Variants in ZBED4 observed in about 807,000 individuals in gnomAD.
The protein encoded by ZBED4 is zinc finger BED-type containing 4.
A neutral mutation model predicts 15.5 loss-of-function variants in ZBED4; 4 were observed. The observed-to-expected ratio is 0.26, with a 90% confidence interval of 0.13 to 0.59. The LOEUF (loss-of-function observed/expected upper bound fraction) is 0.59. Ranked by LOEUF, ZBED4 falls within the 20% of genes least tolerant of loss-of-function variation. The probability of loss-of-function intolerance (pLI) is 0.90; values close to 1 mark genes in which losing one functional copy is unlikely to be tolerated. For synonymous variants in ZBED4, 692 were observed against 608.5 expected (o/e 1.14, Z -2.02); for missense variants, 1,323 against 1,461.8 (o/e 0.91, Z 1.55).
chr22:49,879,446 C>T (rs1006902582), intron 1 of ZBED4, among the ~76,000 whole-genome samples: 4 of 151,810 alleles, frequency 2.6e-5, no homozygotes, highest in African/African-American at 9.7e-5. Context: ...TATTTTTTTG[C>T]AGAGACGATG....
chr22:49,880,178 G>C (rs1305674219), intron 1 of ZBED4, among the ~76,000 whole-genome samples: 1 of 152,046 alleles, frequency 6.6e-6, no homozygotes, highest in African/African-American at 2.4e-5. Flanking sequence ...TTAAAAGAGC[G>C]GCCGTTGTTG....
intron 1 of ZBED4, among the ~76,000 whole-genome samples, chr22:49,860,708 T>G (rs192144393): frequency 1.1e-4 from 16 of 152,150 alleles, no homozygotes; most frequent in Non-Finnish European, 5.9e-5. Flanking sequence ...ATGTACAAAA[T>G]AATTACCTGT....
At chr22:49,864,874 C>T (rs1054022308) in intron 1 of ZBED4, among the ~76,000 whole-genome samples, 10 of 135,922 alleles carry the variant, frequency 7.4e-5, no homozygotes, top group African/African-American at 3.0e-4. Flanking sequence ...TGAAAGATTG[C>T]GAGTCAAACC....
intron 1 of ZBED4, among the ~76,000 whole-genome samples, chr22:49,871,584 T>G (rs1470807622): frequency 6.6e-6 from 1 of 152,122 alleles, no homozygotes; most frequent in Non-Finnish European, 1.5e-5. Context: ...TTAAAAAGCT[T>G]GTTGCTGAAA....
chr22:49,868,838 G>A (rs765388866), intron 1 of ZBED4, among the ~76,000 whole-genome samples: 13 of 151,730 alleles, frequency 8.6e-5, no homozygotes, highest in African/African-American at 2.7e-4. Context: ...CAGGCCGGGC[G>A]CAATGGCTCA....
At chr22:49,853,398 C>G (rs952199373), upstream of ZBED4, 3 of 152,376 alleles carry the variant, frequency 2.0e-5, no homozygotes, top group Non-Finnish European at 4.4e-5. Flanking sequence ...GACCGCACCG[C>G]ACTGAGCGGC....
rs1455722211 is a variant in ZBED4, at chr22:49,885,018, G to A, written c.1356G>A (p.Lys452=). 1.9e-6 allele frequency: 3 copies of A among 1,613,112 alleles called. No homozygotes were observed. The highest frequency in any genetic ancestry group is 1.1e-5 in the South Asian group (1 of 90,970). The change falls in exon 2 of 2, where the codon AAG becomes AAA. Residue 452 remains lysine, a synonymous_variant. Coordinates refer to ENST00000216268, the MANE Select transcript of ZBED4 (RefSeq NM_014838.3). The part of the protein sequence containing the change: ...ESGAIFQQNK[K]VMKRLKSEVW... ...GCGCCATCTTCCAGCAGAATAAAAA[G>A]GTCATGAAAAGACTGAAGTCGGAGG...
At chr22:49,860,779 CTTTT>C (rs560679145) in intron 1 of ZBED4, among the ~76,000 whole-genome samples, 2 of 137,564 alleles carry the variant, frequency 1.5e-5, no homozygotes, top group Non-Finnish European at 3.2e-5. Context: ...TCTAAGCAAC[CTTTT>C]TTTTTTTTTT....
chr22:49,886,312 C>G lies in ZBED4; in HGVS notation c.2650C>G (p.Leu884Val). The change falls in exon 2 of 2, where the codon CTC (leucine) becomes GTC (valine). Residue 884 changes from leucine (L) to valine (V), a missense_variant. Physicochemically the swap from Leu to Val is conservative, Grantham distance 32. Around this residue, in one of 6 missense-constraint regions of ZBED4, gnomAD observed 312 missense variants for 410.7 expected, o/e 0.76. Transcript: ENST00000216268. This position sits in a 1 kb window ranked among gnomAD's most constrained non-coding sequence, Gnocchi z 7.7. ...QREYALPQHH[L>V]IQDVPSKWST... ...GGAGTACGCGCTGCCTCAGCATCAC[C>G]TCATCCAGGACGTCCCGTCCAAGTG... The G allele has an allele frequency of 6.4e-7, 1 of 1,572,098 alleles. No homozygotes were observed. The highest frequency in any genetic ancestry group is 8.7e-7 in the Non-Finnish European group (1 of 1,149,852).
At chr22:49,868,317 A>AT (rs1715153047) in intron 1 of ZBED4, among the ~76,000 whole-genome samples, 1 of 152,246 alleles carries the variant, frequency 6.6e-6, no homozygotes, top group South Asian at 2.1e-4. Context: ...AATGAATAAA[A>AT]TAACTACACT....
In ZBED4 at chr22:49,885,749, C is replaced by A. The variant is rs1348088566; in HGVS notation, c.2087C>A (p.Ala696Asp). ...EYLKPQYSLP[A>D]PSYFSRTAIP... ...TTGAAACCTCAGTACTCCCTCCCCG[C>A]CCCTTCCTACTTCTCCAGGACAGCT... The change falls in exon 2 of 2, where the codon GCC (alanine) becomes GAC (aspartate). Residue 696 changes from alanine to aspartate, a missense_variant. Coordinates refer to ENST00000216268, the MANE Select transcript of ZBED4 (RefSeq NM_014838.3). 14 of 1,603,764 alleles carry A rather than the reference C, an allele frequency of 8.7e-6. No individual in the cohort carries two copies. Among genetic ancestry groups the A allele is most frequent in the Non-Finnish European group, 1.2e-5 (14 of 1,173,010 alleles).
At position 49,887,980 on chromosome 22, in the gene ZBED4, C is replaced by T. The variant is rs1162276821; in HGVS notation, c.*802C>T. On this transcript the variant is annotated 3_prime_UTR_variant, in exon 2 of 2. Transcript: ENST00000216268. The stretch of plus-strand genomic sequence containing the variant: ...TGCTGAAACCCCCACGCCTCCGCTT[C>T]AGCATCTCCACGCTCTGAAGCTGTC... 6.0e-6 allele frequency: 1 copy of T among 167,286 alleles called. No individual in the cohort carries two copies. Among genetic ancestry groups the T allele is most frequent in the Non-Finnish European group, 1.5e-5 (1 of 68,126 alleles). 10.4% of individuals were successfully genotyped at this position (167,286 alleles called of 1,614,324 possible). A position where few individuals can be genotyped will look rare whatever the true frequency, so the allele number is the denominator to read the frequency against.
intron 1 of ZBED4, among the ~76,000 whole-genome samples, chr22:49,861,554 C>T (rs934082855): frequency 2.0e-5 from 3 of 152,186 alleles, no homozygotes; most frequent in Admixed American, 6.5e-5. Context: ...TCACTGTACC[C>T]TCCTGAGTAG....
At chr22:49,860,737 A>G (rs1046416221) in intron 1 of ZBED4, among the ~76,000 whole-genome samples, 2 of 151,586 alleles carry the variant, frequency 1.3e-5, no homozygotes, top group African/African-American at 4.9e-5. Flanking sequence ...TCAGAACTAC[A>G]TAAAAGCTAC....
At chr22:49,874,672 CTTTTTTTTTTTTTT>C (rs10636316) in intron 1 of ZBED4, among the ~76,000 whole-genome samples, 23 of 37,318 alleles carry the variant, frequency 6.2e-4, no homozygotes, top group African/African-American at 2.2e-3. Flanking sequence ...CATGCCCAGC[CTTTTTTTTTTTTTT>C]TTTTTTTTTT....
At chr22:49,854,698 C>T (rs765381067) in intron 1 of ZBED4, among the ~76,000 whole-genome samples, 8 of 152,166 alleles carry the variant, frequency 5.3e-5, no homozygotes, top group Admixed American at 1.3e-4. Flanking sequence ...CTCCCTTCTG[C>T]GCCTTTCTAT....
Position 49,885,125 on chromosome 22 carries a change from A to G in ZBED4, c.1463A>G (p.Lys488Arg). The change falls in exon 2 of 2, where the codon AAG (lysine) becomes AGG (arginine). Residue 488 changes from lysine (K) to arginine (R), a missense_variant. Lys to Arg is a conservative substitution (Grantham distance 26, BLOSUM62 2). This residue lies in a region of ZBED4 where 429 missense variants were observed against 397.9 expected (regional missense o/e 1.08). Coordinates refer to ENST00000216268, the MANE Select transcript of ZBED4 (RefSeq NM_014838.3). ...TGCGGCTGTGCCATCAGCCGGGGGA[A>G]GAAGGGTGATGTGGGCACCAGCTGC... is the stretch of plus-strand genomic sequence containing the variant. ...RYCGCAISRG[K>R]KGDVGTSCLM... 6.2e-7 allele frequency: 1 copy of G among 1,614,194 alleles called. No homozygotes were observed. Among genetic ancestry groups the G allele is most frequent in the Non-Finnish European group, 8.5e-7 (1 of 1,180,018 alleles).
At chr22:49,860,265 C>T (rs945067764) in intron 1 of ZBED4, among the ~76,000 whole-genome samples, 2 of 152,254 alleles carry the variant, frequency 1.3e-5, no homozygotes, top group African/African-American at 2.4e-5. Context: ...CGTCACTGCA[C>T]TGCTGCCTGG....
rs745405878 is a variant in ZBED4 at position 49,888,905 on chromosome 22, C to A, written c.*1727C>A. 1.2e-5 allele frequency: 2 copies of A among 167,200 alleles called. No homozygotes were observed. The highest frequency in any genetic ancestry group is 2.9e-5 in the Non-Finnish European group (2 of 68,132). 10.4% of individuals were successfully genotyped at this position (167,200 alleles called of 1,614,324 possible). A position where few individuals can be genotyped will look rare whatever the true frequency, so the allele number is the denominator to read the frequency against. On this transcript the variant is annotated 3_prime_UTR_variant, in exon 2 of 2. Coordinates refer to ENST00000216268, the MANE Select transcript of ZBED4 (RefSeq NM_014838.3). ...TGTCATCCTGGTGTAGAAAGGGTTG[C>A]GCACAGGATAGGAGGGAGCCACAGT...
Sources: allele counts gnomAD v4.1 joint callset (sites outside exome capture counted in the v4.1 genomes callset), GRCh38; gene constraint gnomAD v4.1.1; regional missense constraint gnomAD v4.1.1; non-coding constraint Gnocchi (gnomAD v3.1); transcripts MANE v1.5; gene names NCBI Gene and HGNC (gene_info 2026-07-23, HGNC 2026-07-21).